The following FAM20C variants were observed in gnomAD, a reference collection of about 807,000 sequenced individuals.
FAM20C encodes the protein FAM20C golgi associated secretory pathway kinase.
A neutral mutation model predicts 51.5 loss-of-function variants in FAM20C; 40 were observed. The ratio of observed to expected loss-of-function variants is 0.78; its 90% CI spans 0.60 to 1.01. The LOEUF (loss-of-function observed/expected upper bound fraction) is 1.01. Ranked by LOEUF, FAM20C falls within the 50% of genes least tolerant of loss-of-function variation. The pLI is 0.00. For missense variants in FAM20C, 861 were observed against 844.7 expected (o/e 1.02, Z -0.24); for synonymous variants, 406 against 380.6 (o/e 1.07, Z -0.78).
In FAM20C at chr7:256,522, G is replaced by A. The variant is rs140758227; in HGVS notation, c.1254-132G>A. 0.035 allele frequency: 25,158 copies of A among 717,276 alleles called. 737 individuals carry two copies. The highest frequency in any genetic ancestry group is 0.12 in the African/African-American group (6,692 of 57,200). 44.4% of individuals were successfully genotyped at this position (717,276 alleles called of 1,614,324 possible). On this transcript the variant is annotated intron_variant, in intron 6 of 9. Coordinates refer to ENST00000313766, the MANE Select transcript of FAM20C (RefSeq NM_020223.4). ...GTGCTCCCGCTAATGCAGCCTCAGC[G>A]CCGCAGCCCGGGCGGGTCCATCTGC...
At chr7:198,391 T>G (rs1245528011) in intron 2 of FAM20C, among the ~76,000 whole-genome samples, 3 of 151,924 alleles carry the variant, frequency 2.0e-5, no homozygotes, top group Non-Finnish European at 4.4e-5. Context: ...TGGTATAATC[T>G]GGACTCTGAC....
chr7:223,588 G>A (rs958461225), intron 3 of FAM20C, among the ~76,000 whole-genome samples: 31 of 152,186 alleles, frequency 2.0e-4, no homozygotes, highest in African/African-American at 6.8e-4. Flanking sequence ...GTCTGCAGCC[G>A]GCTCGTCTGT....
intron 3 of FAM20C, among the ~76,000 whole-genome samples, chr7:230,758 A>T (rs28449686): frequency 3.3e-4 from 14 of 42,440 alleles, no homozygotes; most frequent in Admixed American, 1.5e-3. Flanking sequence ...ACCTATTGGT[A>T]AATGAAGGGA....
At chr7:255,770 C>T (rs998823142) in intron 5 of FAM20C, 79 bp from the exon 6 acceptor site, 29 of 1,486,360 alleles carry the variant, frequency 2.0e-5, no homozygotes, top group Admixed American at 5.9e-5. Flanking sequence ...GAGCCCGGCC[C>T]GGCCTTGGGG....
chr7:247,609 G>A (rs996814718), intron 4 of FAM20C, among the ~76,000 whole-genome samples: 1 of 149,428 alleles, frequency 6.7e-6, no homozygotes, highest in Non-Finnish European at 1.5e-5. Context: ...TATAGAAATC[G>A]CCAGAAGCCA....
intron 6 of FAM20C, 95 bp downstream of exon 6, chr7:256,124 G>A (rs1788581881): frequency 2.1e-5 from 29 of 1,413,272 alleles, no homozygotes; most frequent in Non-Finnish European, 2.7e-5. Context: ...CACGGGGGTG[G>A]CAGAGATGGG....
chr7:209,377 C>A (rs913894341), intron 3 of FAM20C, among the ~76,000 whole-genome samples: 1 of 152,242 alleles, frequency 6.6e-6, no homozygotes, highest in Non-Finnish European at 1.5e-5. Flanking sequence ...CTATTTCAGG[C>A]TTTGCAGGTG....
intron 7 of FAM20C, 25 bp downstream of exon 7, chr7:256,788 C>T: frequency 1.3e-6 from 2 of 1,528,066 alleles, no homozygotes; most frequent in Middle Eastern, 1.7e-4. Flanking sequence ...GGCACGGGGT[C>T]CCCGTGTCAC....
chr7:235,634 G>A (rs1787825139), intron 3 of FAM20C, among the ~76,000 whole-genome samples: 1 of 152,252 alleles, frequency 6.6e-6, no homozygotes, highest in African/African-American at 2.4e-5. Context: ...GAGTGGCAGC[G>A]CCGTCTCCTC....
At chr7:195,523 T>C in intron 1 of FAM20C, 31 bp from the exon 2 acceptor site, 1 of 1,494,760 alleles carries the variant, frequency 6.7e-7, no homozygotes, top group South Asian at 1.4e-5. Context: ...GTTCTTTCCA[T>C]GCTGATGTTC....
At chr7:205,873 C>T (rs925605376) in intron 2 of FAM20C, among the ~76,000 whole-genome samples, 2 of 152,184 alleles carry the variant, frequency 1.3e-5, no homozygotes, top group Admixed American at 1.3e-4. Context: ...CTGACCCTCC[C>T]TCCCAGCCAG....
intron 3 of FAM20C, among the ~76,000 whole-genome samples, chr7:232,649 G>A (rs963374307): frequency 5.3e-5 from 8 of 152,216 alleles, no homozygotes; most frequent in South Asian, 4.1e-4. Context: ...ACTGAAGAGC[G>A]TTGAAATGTT....
chr7:210,747 C>G (rs1210884128), intron 3 of FAM20C, among the ~76,000 whole-genome samples: 1 of 152,158 alleles, frequency 6.6e-6, no homozygotes, highest in South Asian at 2.1e-4. Flanking sequence ...GCCAGCTTGT[C>G]CGGCCCCTAT....
intron 3 of FAM20C, among the ~76,000 whole-genome samples, chr7:218,813 G>T (rs544585285): frequency 1.3e-5 from 2 of 151,746 alleles, no homozygotes; most frequent in African/African-American, 4.8e-5. Context: ...GGCCCAGGAC[G>T]CACAGATCAC....
intron 3 of FAM20C, among the ~76,000 whole-genome samples, chr7:216,562 C>G (rs1044676860): frequency 5.3e-5 from 8 of 151,882 alleles, no homozygotes; most frequent in Non-Finnish European, 1.2e-4. Context: ...AATCTTTTCT[C>G]CAGAGACACC....
intron 3 of FAM20C, among the ~76,000 whole-genome samples, chr7:219,514 T>G (rs1015799291): frequency 2.6e-5 from 4 of 152,094 alleles, no homozygotes; most frequent in Non-Finnish European, 5.9e-5. Flanking sequence ...AGTGGGGGCT[T>G]GGCTTCGAAT....
chr7:220,829 C>A (rs1787228399), intron 3 of FAM20C, among the ~76,000 whole-genome samples: 2 of 152,230 alleles, frequency 1.3e-5, no homozygotes, highest in South Asian at 4.1e-4. Context: ...GGGCACCCAG[C>A]CGTCACGCCC....
rs1480298527 is a variant in FAM20C, at chr7:257,046, G to T, written c.1405G>T (p.Gly469Trp). 7.8e-6 allele frequency: 12 copies of T among 1,537,128 alleles called. No homozygotes were observed. In the Admixed American group the frequency reaches 1.2e-4, roughly 15 times the overall value. ...RHHYETFEKF[G>W]NETFIIHLDN... is the part of the protein sequence containing the mutation. ...CCACTACGAGACTTTTGAGAAGTTTGGGAATGAAACGTTCATCATCCACTT... is the reference window on the plus strand; with the variant it reads ...CCACTACGAGACTTTTGAGAAGTTTTGGAATGAAACGTTCATCATCCACTT... Residue 469 changes from glycine to tryptophan, a missense_variant, in exon 8 of 10, where the codon GGG becomes TGG. By Grantham distance (184) the Gly-to-Trp change is radical. Transcript: ENST00000313766.
intron 7 of FAM20C, 89 bp from the exon 8 acceptor site, chr7:256,916 A>T (rs1788611954): frequency 2.1e-6 from 3 of 1,458,004 alleles, no homozygotes; most frequent in South Asian, 1.2e-5. Context: ...CGCTGGCAGG[A>T]GGAGACGCCG....
Sources: gnomAD v4.1 joint callset for allele counts (sites outside exome capture counted in the v4.1 genomes callset) on GRCh38, gnomAD v4.1.1 for gene constraint, MANE v1.5 for transcripts, NCBI Gene and HGNC (gene_info 2026-07-23, HGNC 2026-07-21) for gene names.